TTLL11: variants seen among roughly 807,000 people sequenced by gnomAD.
TTLL11 encodes tubulin polyglutamylase TTLL11.
Under a neutral mutation model 51.7 loss-of-function variants are expected in TTLL11, and 42 were observed. The observed-to-expected ratio is 0.81, with a 90% CI of 0.64 to 1.05. TTLL11 has a LOEUF of 1.05. Ranked by LOEUF, TTLL11 falls within the 50% of genes least tolerant of loss-of-function variation. The pLI is 0.00. For missense variants in TTLL11, 799 were observed against 940.4 expected (o/e 0.85, Z 1.97); for synonymous variants, 381 against 383.5 (o/e 0.99, Z 0.08).
chr9:122,039,062 C>T (rs1040306801), intron 2 of TTLL11, among the ~76,000 whole-genome samples: 91 of 152,290 alleles, frequency 6.0e-4, no homozygotes, highest in Middle Eastern at 3.4e-3. Flanking sequence ...CATGTTCTTC[C>T]ACCAGTGGCA....
intron 8 of TTLL11, among the ~76,000 whole-genome samples, chr9:121,842,468 G>A (rs1375119452): frequency 6.6e-6 from 1 of 151,782 alleles, no homozygotes; most frequent in Non-Finnish European, 1.5e-5. Flanking sequence ...TCAGGGTCTC[G>A]CTATGTTTCC....
chr9:122,090,780 T>A (rs558174237), intron 1 of TTLL11, among the ~76,000 whole-genome samples: 1 of 152,134 alleles, frequency 6.6e-6, no homozygotes, highest in East Asian at 1.9e-4. Context: ...AAGCAATACA[T>A]AATATAATGC....
At chr9:121,870,362 A>G (rs1474469304) in intron 7 of TTLL11, 135 bp downstream of exon 7, 1 of 1,165,336 alleles carries the variant, frequency 8.6e-7, no homozygotes, top group African/African-American at 1.6e-5. Flanking sequence ...CCACTAGGCT[A>G]ATCCAAGCTC....
At chr9:122,043,843 T>TA (rs1237529716) in intron 1 of TTLL11, among the ~76,000 whole-genome samples, 1 of 151,682 alleles carries the variant, frequency 6.6e-6, no homozygotes, top group African/African-American at 2.4e-5. Context: ...TATATATATA[T>TA]TTTTTTCTTT....
At chr9:121,843,466 C>A (rs548841122) in intron 8 of TTLL11, among the ~76,000 whole-genome samples, 57 of 152,040 alleles carry the variant, frequency 3.7e-4, no homozygotes, top group Admixed American at 8.5e-4. Context: ...GTTAAAAACG[C>A]CTGGGGGCCA....
intron 6 of TTLL11, among the ~76,000 whole-genome samples, chr9:121,898,490 G>A (rs1839630801): frequency 1.3e-5 from 2 of 152,270 alleles, no homozygotes; most frequent in Admixed American, 6.5e-5. Flanking sequence ...AGGCCCAAGG[G>A]AATGACAGGC....
intron 1 of TTLL11, among the ~76,000 whole-genome samples, chr9:122,043,430 T>C (rs1363297758): frequency 6.6e-6 from 1 of 152,102 alleles, no homozygotes; most frequent in Non-Finnish European, 1.5e-5. Flanking sequence ...GAAAACTGAA[T>C]ATCCACGTGC....
chr9:121,997,977 T>C (rs1843330430), intron 3 of TTLL11, among the ~76,000 whole-genome samples: 1 of 151,902 alleles, frequency 6.6e-6, no homozygotes, highest in African/African-American at 2.4e-5. Context: ...CTCATTCTCC[T>C]CCCCCAGGTC....
At chr9:121,845,731 T>C (rs1375811758) in intron 8 of TTLL11, among the ~76,000 whole-genome samples, 1 of 152,166 alleles carries the variant, frequency 6.6e-6, no homozygotes, top group Admixed American at 6.5e-5. Flanking sequence ...GGAAACTAAT[T>C]GTAAACTCTA....
chr9:121,936,007 G>C (rs920006166), intron 6 of TTLL11, among the ~76,000 whole-genome samples: 3 of 152,170 alleles, frequency 2.0e-5, no homozygotes, highest in African/African-American at 7.2e-5. Flanking sequence ...CAGTCTCTTA[G>C]TGACTGGCTG....
intron 6 of TTLL11, among the ~76,000 whole-genome samples, chr9:121,897,641 C>CACACACACACACACACAT (rs1564294374): frequency 1.9e-5 from 1 of 53,598 alleles, no homozygotes; most frequent in African/African-American, 5.5e-5. Context: ...CACACACACA[C>CACACACACACACACACAT]GCGCGCGCGA....
At chr9:121,992,010 C>T (rs185973862) in intron 3 of TTLL11, among the ~76,000 whole-genome samples, 8 of 152,206 alleles carry the variant, frequency 5.3e-5, no homozygotes, top group Admixed American at 6.5e-5. Flanking sequence ...CTTGTTCCTC[C>T]GCTTACTGTA....
chr9:121,989,853 T>C lies in TTLL11; in HGVS notation c.694-83A>G, dbSNP rs1843061299. ...ACAGAGCAAGGCCTTAGCAAATGTG[T>C]GGTGAATGAGTGACAAGATGATCCC... On this transcript the variant is annotated intron_variant, in intron 3 of 8. Transcript: ENST00000321582. The surrounding 1 kb of genome is among the most constrained non-coding windows in gnomAD (Gnocchi z 4.2). The C allele has an allele frequency of 8.6e-6, 13 of 1,513,110 alleles. No homozygotes were observed. The highest frequency in any genetic ancestry group is 1.1e-5 in the Non-Finnish European group (13 of 1,138,364). The allele number at this position is 1,513,110 out of a possible 1,614,324, so 93.7% of individuals were successfully genotyped here.
At chr9:121,930,993 A>G (rs1161699780) in intron 6 of TTLL11, among the ~76,000 whole-genome samples, 1 of 152,236 alleles carries the variant, frequency 6.6e-6, no homozygotes, top group Non-Finnish European at 1.5e-5. Flanking sequence ...GATGTGCTCA[A>G]GCAGGAAGCA....
intron 4 of TTLL11, among the ~76,000 whole-genome samples, chr9:121,982,590 CGGGTAGCTGTAATCCAGCTACTT>C (rs1364376020): frequency 2.0e-5 from 3 of 151,628 alleles, no homozygotes; most frequent in Non-Finnish European, 4.4e-5. Context: ...GGCGTGGTGG[CGGGTAGCTGTAATCCAGCTACTT>C]GGGAGGCTGG....
chr9:121,966,238 A>G (rs577860597), intron 6 of TTLL11, among the ~76,000 whole-genome samples: 6 of 152,360 alleles, frequency 3.9e-5, no homozygotes, highest in Non-Finnish European at 7.3e-5. Flanking sequence ...TGGGCCATAT[A>G]TAAGTCATGT....
rs1837715429 is a variant in TTLL11, at chr9:121,853,199, CAT to C, written c.1840+7136_1840+7137del. ...CGCGGCTGAGCCCTGGTCCATGGGA[CAT>C]GTGTAGCAGGGCACCTGCTAGATGC... On this transcript the variant is annotated intron_variant, in intron 8 of 8. Transcript: ENST00000321582. This position sits in a 1 kb window ranked among gnomAD's most constrained non-coding sequence, Gnocchi z 5.6. Among the ~76,000 whole-genome samples, 1 of 152,190 alleles carries C rather than the reference CAT, an allele frequency of 6.6e-6. No individual in the cohort carries two copies. Among genetic ancestry groups the C allele is most frequent in the South Asian group, 2.1e-4 (1 of 4,822 alleles).
At chr9:121,860,225 G>T in intron 8 of TTLL11, 112 bp downstream of exon 8, 1 of 780,152 alleles carries the variant, frequency 1.3e-6, no homozygotes, top group Non-Finnish European at 2.1e-6. Context: ...GTCTAGATCT[G>T]ATGGCATCAT....
chr9:121,856,833 A>T (rs1054293904), intron 8 of TTLL11, among the ~76,000 whole-genome samples: 4 of 152,214 alleles, frequency 2.6e-5, no homozygotes, highest in African/African-American at 9.6e-5. Flanking sequence ...TTGGATCCAC[A>T]CCATGGAGGG....
Sources: allele counts gnomAD v4.1 joint callset (sites outside exome capture counted in the v4.1 genomes callset), GRCh38; gene constraint gnomAD v4.1.1; non-coding constraint Gnocchi (gnomAD v3.1); transcripts MANE v1.5; gene names NCBI Gene and HGNC (gene_info 2026-07-23, HGNC 2026-07-21).